Variants in CADPS observed in about 807,000 individuals in gnomAD.
CADPS encodes the protein calcium-dependent secretion activator 1.
Under a neutral mutation model 167.3 loss-of-function variants are expected in CADPS, and 57 were observed. The ratio of observed to expected loss-of-function variants is 0.34; its 90% CI spans 0.28 to 0.42. The LOEUF (loss-of-function observed/expected upper bound fraction) is 0.42, where lower values mean the gene tolerates loss of function less well. Ranked by LOEUF, CADPS falls within the 20% of genes least tolerant of loss-of-function variation. The pLI is 1.00. For synonymous variants in CADPS, 676 were observed against 635.3 expected, an observed-to-expected ratio of 1.06 and a Z score of -0.96; for missense variants, 1,414 against 1,738.1, an observed-to-expected ratio of 0.81 and a Z score of 3.32.
Position 62,403,118 on chromosome 3 carries a change from T to G in CADPS, c.3845A>C (p.His1282Pro). The G allele has an allele frequency of 6.2e-7, 1 of 1,612,542 alleles. No individual in the cohort carries two copies. Among genetic ancestry groups the G allele is most frequent in the Non-Finnish European group, 8.5e-7 (1 of 1,178,610 alleles). Residue 1282 changes from histidine (H) to proline (P), a missense_variant, in exon 29 of 30, where the codon CAT becomes CCT. Coordinates refer to ENST00000383710, the MANE Select transcript of CADPS (RefSeq NM_003716.4). ...AATTAGTGTTTTCAACTGATAAATA[T>G]GAAGCTGTAAGTCCATCCGGTCCGT... The part of the protein sequence containing the change: ...WLTDRMDLQL[H>P]IYQLKTLIRM...
chr3:62,522,014 C>T (rs764134808), intron 13 of CADPS, among the ~76,000 whole-genome samples: 4 of 152,100 alleles, frequency 2.6e-5, no homozygotes, highest in Non-Finnish European at 5.9e-5. Flanking sequence ...AGCAGCTGTG[C>T]CTTGACCAGA....
At chr3:62,606,886 G>A (rs971486189) in intron 6 of CADPS, among the ~76,000 whole-genome samples, 9 of 152,310 alleles carry the variant, frequency 5.9e-5, no homozygotes, top group African/African-American at 9.6e-5. Context: ...AGTGAGAATC[G>A]AAGGCCAGCC....
intron 17 of CADPS, chr3:62,499,932 T>C (rs2065458463): frequency 1.3e-5 from 2 of 152,188 alleles, no homozygotes; most frequent in African/African-American, 4.8e-5. Flanking sequence ...ACTGAAACAA[T>C]GTACTTAATT....
intron 3 of CADPS, among the ~76,000 whole-genome samples, chr3:62,679,752 G>A (rs999332342): frequency 2.0e-5 from 3 of 152,042 alleles, no homozygotes; most frequent in Admixed American, 6.6e-5. Context: ...GGGAGGTTAT[G>A]AGCTTTAAGT....
At chr3:62,704,117 G>A (rs372346630) in intron 3 of CADPS, among the ~76,000 whole-genome samples, 4 of 152,260 alleles carry the variant, frequency 2.6e-5, no homozygotes, top group African/African-American at 9.6e-5. Context: ...CTTACTTGGA[G>A]CTTACATTCT....
rs2051236566 is a variant in CADPS, at chr3:62,420,946, C to T, written c.3777+17158G>A. Among the ~76,000 whole-genome samples the T allele has an allele frequency of 6.6e-6, 1 of 151,484 alleles. No individual in the cohort carries two copies. The highest frequency in any genetic ancestry group is 2.1e-4 in the South Asian group (1 of 4,782). ...TGCCAGATCACTTACCCAAACCTTACCCTGGGGAGCCAGCCATCTCATTTC... is the reference window on the plus strand; with the variant it reads ...TGCCAGATCACTTACCCAAACCTTATCCTGGGGAGCCAGCCATCTCATTTC... On this transcript the variant is annotated intron_variant, in intron 28 of 29. Transcript: ENST00000383710. This position sits in a 1 kb window ranked among gnomAD's most constrained non-coding sequence, Gnocchi z 4.1.
chr3:62,426,948 G>A (rs543696924), intron 28 of CADPS, among the ~76,000 whole-genome samples: 4 of 151,680 alleles, frequency 2.6e-5, no homozygotes, highest in South Asian at 2.1e-4. Flanking sequence ...GGTGGCAGGC[G>A]CCTATAGTCC....
At chr3:62,756,156 G>A (rs988802501) in intron 2 of CADPS, among the ~76,000 whole-genome samples, 2 of 151,566 alleles carry the variant, frequency 1.3e-5, no homozygotes, top group Non-Finnish European at 2.9e-5. Context: ...GGGTTCAAGC[G>A]ATTCTCCTGC....
intron 8 of CADPS, among the ~76,000 whole-genome samples, chr3:62,572,607 A>C (rs929016262): frequency 6.6e-6 from 1 of 152,166 alleles, no homozygotes; most frequent in Non-Finnish European, 1.5e-5. Flanking sequence ...CTGTTCACCT[A>C]TTCTATGATT....
At chr3:62,805,468 C>A (rs902907338) in intron 1 of CADPS, among the ~76,000 whole-genome samples, 2 of 152,176 alleles carry the variant, frequency 1.3e-5, no homozygotes, top group Non-Finnish European at 2.9e-5. Context: ...GACTTCAAAT[C>A]TTACCTCGAA....
intron 3 of CADPS, among the ~76,000 whole-genome samples, chr3:62,679,043 C>CT (rs1295308346): frequency 6.6e-6 from 1 of 152,008 alleles, no homozygotes; most frequent in African/African-American, 2.4e-5. Context: ...ACCTGTGGTG[C>CT]TTCCTGCTGC....
intron 1 of CADPS, among the ~76,000 whole-genome samples, chr3:62,858,082 A>G (rs2080050272): frequency 6.6e-6 from 1 of 152,218 alleles, no homozygotes; most frequent in African/African-American, 2.4e-5. Context: ...CAGGAGGTCA[A>G]CAAATTTTTA....
At chr3:62,590,722 G>C (rs1173493871) in intron 7 of CADPS, among the ~76,000 whole-genome samples, 1 of 152,016 alleles carries the variant, frequency 6.6e-6, no homozygotes, top group Non-Finnish European at 1.5e-5. Context: ...TGCTTGTCTG[G>C]GGTGGTCTCT....
intron 3 of CADPS, among the ~76,000 whole-genome samples, chr3:62,729,260 T>C (rs2077301383): frequency 6.6e-6 from 1 of 151,826 alleles, no homozygotes; most frequent in Admixed American, 6.6e-5. Flanking sequence ...CTGAGCATGA[T>C]CACCCTCATA....
At chr3:62,784,812 G>A (rs571867705) in intron 1 of CADPS, among the ~76,000 whole-genome samples, 2 of 151,574 alleles carry the variant, frequency 1.3e-5, no homozygotes, top group Non-Finnish European at 2.9e-5. Context: ...AGATACACAA[G>A]GGCCATATCA....
At chr3:62,588,427 A>G (rs186408141) in intron 7 of CADPS, among the ~76,000 whole-genome samples, 13 of 151,514 alleles carry the variant, frequency 8.6e-5, no homozygotes, top group Non-Finnish European at 1.8e-4. Flanking sequence ...TGCTCTGTGC[A>G]CAGGACAAAT....
intron 8 of CADPS, among the ~76,000 whole-genome samples, chr3:62,577,634 T>C (rs1385504412): frequency 6.6e-6 from 1 of 152,228 alleles, no homozygotes; most frequent in African/African-American, 2.4e-5. Flanking sequence ...ATAACTCTTC[T>C]ATAGCTGTAG....
chr3:62,650,076 A>G (rs1311594739), intron 5 of CADPS, among the ~76,000 whole-genome samples: 1 of 152,136 alleles, frequency 6.6e-6, no homozygotes, highest in African/African-American at 2.4e-5. Context: ...ATGTGTTTTC[A>G]TTTTTATTGG....
chr3:62,769,766 G>A (rs769452691), intron 1 of CADPS, among the ~76,000 whole-genome samples: 4 of 152,114 alleles, frequency 2.6e-5, no homozygotes, highest in African/African-American at 9.7e-5. Flanking sequence ...TGAGTCAGGA[G>A]TTGAGCGCAC....
Sources: allele counts gnomAD v4.1 joint callset (sites outside exome capture counted in the v4.1 genomes callset), GRCh38; gene constraint gnomAD v4.1.1; non-coding constraint Gnocchi (gnomAD v3.1); transcripts MANE v1.5; gene names NCBI Gene and HGNC (gene_info 2026-07-23, HGNC 2026-07-21).